Variants in ACOXL observed in about 807,000 individuals in gnomAD.
ACOXL encodes acyl-CoA oxidase like.
A neutral mutation model predicts 71.9 loss-of-function variants in ACOXL; 70 were observed. The ratio of observed to expected loss-of-function variants is 0.97; its 90% CI spans 0.80 to 1.19. The LOEUF is 1.19. Ranked by LOEUF, ACOXL falls within the 50% of genes most tolerant of loss-of-function variation. The pLI, the probability that ACOXL is intolerant of heterozygous loss-of-function variation, is 0.00. For missense variants in ACOXL, 703 were observed against 736.3 expected, an observed-to-expected ratio of 0.95 and a Z score of 0.52; for synonymous variants, 253 against 281.6, an observed-to-expected ratio of 0.90 and a Z score of 1.02.
At chr2:111,022,351 G>A (rs184871489) in intron 14 of ACOXL, among the ~76,000 whole-genome samples, 4 of 152,010 alleles carry the variant, frequency 2.6e-5, no homozygotes, top group African/African-American at 9.7e-5. Context: ...GGTGACAAGA[G>A]CGAAACTCCA....
intron 1 of ACOXL, among the ~76,000 whole-genome samples, chr2:110,750,653 TTGTG>T (rs1678814489): frequency 1.3e-5 from 2 of 149,238 alleles, no homozygotes; most frequent in South Asian, 4.2e-4. Flanking sequence ...ACACATATAT[TTGTG>T]TGTGTATGTG....
At chr2:110,985,271 G>T (rs78633326) in intron 12 of ACOXL, among the ~76,000 whole-genome samples, 192 of 152,258 alleles carry the variant, frequency 1.3e-3, no homozygotes, top group Non-Finnish European at 2.3e-3. Flanking sequence ...TGTAGCAGCA[G>T]CCATAAAAAT....
chr2:110,908,841 C>G lies in ACOXL; in HGVS notation c.841C>G (p.Gln281Glu), dbSNP rs2059552076. Residue 281 changes from glutamine (Q) to glutamate (E), a missense_variant, in exon 11 of 18, where the codon CAA (glutamine) becomes GAA (glutamate). Coordinates refer to ENST00000439055, the MANE Select transcript of ACOXL (RefSeq NM_001142807.4). ...GGAAGAGGTGAAGATCATTGAGCAC[C>G]AAACACAGACCCTGCGGCTGATGCC... ...TKEEVKIIEHQTQTLRLMPHL... is the reference protein window; with the variant it reads ...TKEEVKIIEHETQTLRLMPHL... 6.2e-7 allele frequency: 1 copy of G among 1,614,166 alleles called. No individual in the cohort carries two copies. Among genetic ancestry groups the G allele is most frequent in the Non-Finnish European group, 8.5e-7 (1 of 1,180,014 alleles).
chr2:110,794,866 C>T (rs1280490439), intron 5 of ACOXL, among the ~76,000 whole-genome samples: 3 of 151,980 alleles, frequency 2.0e-5, no homozygotes, highest in East Asian at 3.9e-4. Flanking sequence ...TATCTCTGTC[C>T]ATAGTGGGTC....
Position 110,995,930 on chromosome 2 carries a change from G to A in ACOXL, c.1207G>A (p.Ala403Thr), listed in dbSNP as rs756120648. Residue 403 changes from alanine to threonine, a missense_variant, in exon 14 of 18, where the codon GCC becomes ACC. By Grantham distance (58) the Ala-to-Thr change is moderately conservative (BLOSUM62 0). Coordinates refer to ENST00000439055, the MANE Select transcript of ACOXL (RefSeq NM_001142807.4). Reference protein sequence around the residue: ...AFNMDTVDDLAFLLKAVKFRE... With the variant: ...AFNMDTVDDLTFLLKAVKFRE... ...TAACATGGACACAGTTGATGATCTCGCCTTTCTGTTGAAAGCAGTGAAATT... is the reference window on the plus strand; with the variant it reads ...TAACATGGACACAGTTGATGATCTCACCTTTCTGTTGAAAGCAGTGAAATT... 27 of 1,609,358 alleles carry A rather than the reference G, an allele frequency of 1.7e-5. No individual in the cohort carries two copies. The highest frequency in any genetic ancestry group is 4.5e-5 in the East Asian group (2 of 44,892).
Position 110,739,592 on chromosome 2 carries a change from C to G in ACOXL, c.-23+6818C>G, listed in dbSNP as rs758952282. Reference sequence around the variant, plus strand: ...GTGGCTCTCACTGAGGGGTCTCCTACTGGCTCCAGTGTTCCCCATGTGGGT... The same window carrying G: ...GTGGCTCTCACTGAGGGGTCTCCTAGTGGCTCCAGTGTTCCCCATGTGGGT... On this transcript the variant is annotated intron_variant, in intron 1 of 17. Coordinates refer to ENST00000439055, the MANE Select transcript of ACOXL (RefSeq NM_001142807.4). Among the ~76,000 whole-genome samples the G allele has an allele frequency of 8.2e-4, 125 of 152,256 alleles. 1 individual carries two copies. Among genetic ancestry groups the G allele is most frequent in the Non-Finnish European group, 1.8e-4 (12 of 68,040 alleles).
At chr2:110,927,609 C>T (rs918595350) in intron 11 of ACOXL, among the ~76,000 whole-genome samples, 6 of 152,194 alleles carry the variant, frequency 3.9e-5, no homozygotes, top group Admixed American at 2.0e-4. Flanking sequence ...TAAGGAGCCC[C>T]CATATAAGCT....
At chr2:110,946,787 C>T (rs867829712) in intron 12 of ACOXL, among the ~76,000 whole-genome samples, 8 of 152,150 alleles carry the variant, frequency 5.3e-5, no homozygotes, top group African/African-American at 1.4e-4. Context: ...CTTCTCATGG[C>T]GGTGGAAGTC....
intron 12 of ACOXL, among the ~76,000 whole-genome samples, chr2:110,982,100 T>C (rs2062731956): frequency 6.6e-6 from 1 of 152,198 alleles, no homozygotes; most frequent in Admixed American, 6.5e-5. Flanking sequence ...CATCCATCCT[T>C]CCTGGTTTGA....
intron 12 of ACOXL, among the ~76,000 whole-genome samples, chr2:110,973,439 A>G (rs1048304776): frequency 6.6e-6 from 1 of 152,186 alleles, no homozygotes; most frequent in Non-Finnish European, 1.5e-5. Context: ...GTGCCTTATC[A>G]AAGAGTGCTT....
chr2:110,776,411 A>G (rs1682657964), intron 2 of ACOXL, among the ~76,000 whole-genome samples: 1 of 152,208 alleles, frequency 6.6e-6, no homozygotes, highest in Non-Finnish European at 1.5e-5. Flanking sequence ...AATAGTTGAA[A>G]TAGTAAATTT....
At position 111,000,059 on chromosome 2, in the gene ACOXL, TG is replaced by T. The variant is rs34830270; in HGVS notation, c.1281+4056del. On this transcript the variant is annotated intron_variant, in intron 14 of 17. Transcript: ENST00000439055. ...GACATAACAAAAGCCTAAATGGGAG[TG>T]TGGGTTTGCACCTATGCAGTTAGCT... Among the ~76,000 whole-genome samples, 992 of 152,158 alleles carry T rather than the reference TG, an allele frequency of 6.5e-3. 6 individuals carry two copies. The highest frequency in any genetic ancestry group is 0.022 in the African/African-American group (929 of 41,504).
chr2:110,790,914 C>A (rs1165566797), intron 3 of ACOXL, among the ~76,000 whole-genome samples: 1 of 152,216 alleles, frequency 6.6e-6, no homozygotes, highest in Admixed American at 6.5e-5. Context: ...CTCTCAGAGT[C>A]CTCTTTTTCC....
At chr2:110,747,919 A>G (rs796214960) in intron 1 of ACOXL, among the ~76,000 whole-genome samples, 69 of 152,004 alleles carry the variant, frequency 4.5e-4, no homozygotes, top group African/African-American at 1.6e-3. Flanking sequence ...CTCTCTGCCC[A>G]CATATGCCCC....
chr2:110,856,527 G>A (rs144037455), intron 10 of ACOXL, among the ~76,000 whole-genome samples: 182 of 152,280 alleles, frequency 1.2e-3, no homozygotes, highest in African/African-American at 4.3e-3. Context: ...CATAAGAAAA[G>A]AAAAGCAATC....
chr2:111,041,116 C>T (rs1181824753), intron 15 of ACOXL, among the ~76,000 whole-genome samples: 1 of 151,964 alleles, frequency 6.6e-6, no homozygotes, highest in Non-Finnish European at 1.5e-5. Context: ...TTCTGGGCAC[C>T]AAGGTGGAGA....
chr2:110,805,634 G>GC (rs1209640067), intron 9 of ACOXL, among the ~76,000 whole-genome samples: 2 of 152,224 alleles, frequency 1.3e-5, no homozygotes, highest in Non-Finnish European at 2.9e-5. Flanking sequence ...TGGGGGTGGA[G>GC]CACAGGCATT....
chr2:110,764,305 C>G (rs575174254), intron 1 of ACOXL, among the ~76,000 whole-genome samples: 1 of 152,066 alleles, frequency 6.6e-6, no homozygotes, highest in East Asian at 1.9e-4. Context: ...GGTGGTACCT[C>G]CAGGCAATGG....
chr2:110,977,383 CA>C (rs1232083797), intron 12 of ACOXL, among the ~76,000 whole-genome samples: 66 of 101,914 alleles, frequency 6.5e-4, no homozygotes, highest in South Asian at 6.9e-4. Context: ...GACTCCGTCT[CA>C]AAAAAAAAAA....
Sources: allele counts gnomAD v4.1 joint callset (sites outside exome capture counted in the v4.1 genomes callset), GRCh38; gene constraint gnomAD v4.1.1; transcripts MANE v1.5; gene names NCBI Gene and HGNC (gene_info 2026-07-23, HGNC 2026-07-21).